Variants in ITGB8 observed in about 807,000 individuals in gnomAD.
The protein encoded by ITGB8 is integrin subunit beta 8, also known as integrin beta-8.
Under a neutral mutation model 89.5 loss-of-function variants are expected in ITGB8, and 30 were observed. The ratio of observed to expected loss-of-function variants is 0.34; its 90% CI spans 0.25 to 0.45. The LOEUF (loss-of-function observed/expected upper bound fraction) is 0.45, where lower values mean the gene tolerates loss of function less well. ITGB8 is among the 20% of genes least tolerant of loss of function. ITGB8 has a pLI of 1.00. For synonymous variants in ITGB8, 335 were observed against 320.4 expected, an observed-to-expected ratio of 1.05 and a Z score of -0.49; for missense variants, 836 against 933.3, an observed-to-expected ratio of 0.90 and a Z score of 1.36.
chr7:20,365,624 C>T (rs564979044), intron 2 of ITGB8: 1 of 152,188 alleles, frequency 6.6e-6, no homozygotes, highest in Non-Finnish European at 1.5e-5. Context: ...TGACAAGGTT[C>T]TGGAACAACT....
intron 10 of ITGB8, 94 bp downstream of exon 10, chr7:20,402,220 A>AGGTGTGATTTAT: frequency 9.1e-7 from 1 of 1,104,306 alleles, no homozygotes; most frequent in South Asian, 2.0e-5. Flanking sequence ...ATAAATTAGC[A>AGGTGTGATTTAT]AAACTGAATC....
chr7:20,355,783 G>C (rs1026160955), intron 1 of ITGB8, among the ~76,000 whole-genome samples: 1 of 152,198 alleles, frequency 6.6e-6, no homozygotes, highest in Non-Finnish European at 1.5e-5. Context: ...CACTGCAAGA[G>C]AGTAGTATTT....
chr7:20,331,751 G>A lies in ITGB8; in HGVS notation c.-56G>A. The A allele has an allele frequency of 2.6e-6, 4 of 1,563,032 alleles. No homozygotes were observed. Among genetic ancestry groups the A allele is most frequent in the Non-Finnish European group, 3.5e-6 (4 of 1,154,732 alleles). On this transcript the variant is annotated 5_prime_UTR_variant, in exon 1 of 14. Coordinates refer to ENST00000222573, the MANE Select transcript of ITGB8 (RefSeq NM_002214.3). ...GCCCCGAGGTGCGCCCGGGAGGCGCGAGCCCGCGTCCGGAAGGCAGTCAGG... is the reference window on the plus strand; with the variant it reads ...GCCCCGAGGTGCGCCCGGGAGGCGCAAGCCCGCGTCCGGAAGGCAGTCAGG...
At chr7:20,403,102 T>G (rs1787379987) in intron 10 of ITGB8, among the ~76,000 whole-genome samples, 1 of 152,204 alleles carries the variant, frequency 6.6e-6, no homozygotes, top group South Asian at 2.1e-4. Context: ...AGCTGAAAAT[T>G]TGGCCTGTAT....
intron 3 of ITGB8, among the ~76,000 whole-genome samples, chr7:20,368,310 T>C (rs1785786237): frequency 1.3e-5 from 2 of 152,184 alleles, no homozygotes; most frequent in Non-Finnish European, 2.9e-5. Flanking sequence ...AATTATTTAG[T>C]GTCGTAAATA....
chr7:20,371,399 C>T (rs1051135752), intron 3 of ITGB8, among the ~76,000 whole-genome samples: 1 of 152,020 alleles, frequency 6.6e-6, no homozygotes, highest in African/African-American at 2.4e-5. Context: ...TTTACTCTGG[C>T]AGGTTGTTTT....
At chr7:20,353,880 C>T (rs1234875764) in intron 1 of ITGB8, among the ~76,000 whole-genome samples, 2 of 121,022 alleles carry the variant, frequency 1.7e-5, no homozygotes, top group African/African-American at 3.3e-5. Flanking sequence ...TGCAGTGAGC[C>T]GAGATCGCGC....
In ITGB8 at chr7:20,406,079, T is replaced by G; in HGVS notation, c.1931T>G (p.Leu644Arg). The G allele has an allele frequency of 1.2e-6, 2 of 1,607,726 alleles. No homozygotes were observed. The highest frequency in any genetic ancestry group is 2.2e-5 in the South Asian group (2 of 90,934). The part of the protein sequence containing the change: ...CKENWNCMQC[L>R]HPHNLSQAIL... The stretch of plus-strand genomic sequence containing the variant: ...CCTTGCAGGAATTGTATGCAATGCC[T>G]TCACCCTCACAATTTGTCTCAGGCT... Residue 644 changes from leucine (L) to arginine (R), a missense_variant, in exon 12 of 14, where the codon CTT becomes CGT. Leu to Arg is a moderately radical substitution (Grantham distance 102, BLOSUM62 -2). This residue lies in a region of ITGB8 where 422 missense variants were observed against 416.9 expected (regional missense o/e 1.01). Transcript: ENST00000222573.
chr7:20,364,118 G>A (rs946030748), intron 2 of ITGB8, among the ~76,000 whole-genome samples: 1 of 152,132 alleles, frequency 6.6e-6, no homozygotes, highest in Non-Finnish European at 1.5e-5. Context: ...CAAGAGAAAC[G>A]AATCCTAATA....
intron 10 of ITGB8, among the ~76,000 whole-genome samples, chr7:20,403,042 C>T (rs1787377900): frequency 1.3e-5 from 2 of 152,302 alleles, no homozygotes; most frequent in African/African-American, 2.4e-5. Flanking sequence ...TCATCATAAG[C>T]ATATGGGACG....
chr7:20,381,598 T>C (rs1786397315), intron 5 of ITGB8, 129 bp from the exon 6 acceptor site: 5 of 651,892 alleles, frequency 7.7e-6, no homozygotes, highest in East Asian at 2.7e-5. Context: ...CGCAGCAGCG[T>C]TGTACCCACG....
rs140322233 is a variant in ITGB8 at position 20,404,589 on chromosome 7, G to A, written c.1688-39G>A. ...GTTGAAAACTCTTTACAAAGTCAGTGATCCAGATAACATAGGTCCTGCGGT... is the reference window on the plus strand; with the variant it reads ...GTTGAAAACTCTTTACAAAGTCAGTAATCCAGATAACATAGGTCCTGCGGT... On this transcript the variant is annotated intron_variant, in intron 10 of 13. Transcript: ENST00000222573. The A allele has an allele frequency of 9.7e-4, 1,503 of 1,555,172 alleles. 15 individuals are homozygous for A. The African/African-American group carries it at 0.018, about 19-fold the overall frequency.
chr7:20,354,956 T>G (rs1785240190), intron 1 of ITGB8, among the ~76,000 whole-genome samples: 1 of 152,222 alleles, frequency 6.6e-6, no homozygotes, highest in Admixed American at 6.5e-5. Flanking sequence ...TCTAATCATT[T>G]ATCACCCTCT....
At chr7:20,407,246 T>TCAGTGGTTATAGGGTA (rs150831757) in intron 12 of ITGB8, among the ~76,000 whole-genome samples, 1 of 151,780 alleles carries the variant, frequency 6.6e-6, no homozygotes, top group African/African-American at 2.4e-5. Flanking sequence ...GCAAGCATAC[T>TCAGTGGTTATAGGGTA]CATCTCTGGG....
chr7:20,380,945 A>T (rs1786353781), intron 5 of ITGB8, 114 bp downstream of exon 5: 2 of 874,202 alleles, frequency 2.3e-6, no homozygotes, highest in African/African-American at 3.4e-5. Context: ...AAGAAAACAT[A>T]TCTTACTATC....
chr7:20,372,213 T>A (rs1269164347), intron 3 of ITGB8, among the ~76,000 whole-genome samples: 1 of 152,246 alleles, frequency 6.6e-6, no homozygotes, highest in Non-Finnish European at 1.5e-5. Context: ...TCTACTGGTA[T>A]GTTACAAATA....
chr7:20,344,107 G>A (rs1248442757), intron 1 of ITGB8, among the ~76,000 whole-genome samples: 1 of 152,054 alleles, frequency 6.6e-6, no homozygotes, highest in Non-Finnish European at 1.5e-5. Flanking sequence ...TGGGGTGGCT[G>A]AGCCTGAGGA....
intron 1 of ITGB8, among the ~76,000 whole-genome samples, chr7:20,345,511 G>T (rs773681163): frequency 1.6e-4 from 24 of 151,982 alleles, no homozygotes; most frequent in Non-Finnish European, 2.9e-4. Flanking sequence ...ATTAGATGGG[G>T]TAAGCCTCAT....
Position 20,335,011 on chromosome 7 carries a change from T to A in ITGB8, c.127+3078T>A, listed in dbSNP as rs147322797. On this transcript the variant is annotated intron_variant, in intron 1 of 13. Transcript: ENST00000222573. ...GAGAATGGTATAAGGGACCACTATATACTCATCACCCAGCTTCATTAACCA... is the reference window on the plus strand; with the variant it reads ...GAGAATGGTATAAGGGACCACTATAAACTCATCACCCAGCTTCATTAACCA... Among the ~76,000 whole-genome samples, 19 of 152,324 alleles carry A rather than the reference T, an allele frequency of 1.2e-4. No homozygotes were observed. The East Asian group carries it at 2.7e-3, about 22-fold the overall frequency.
Sources: gnomAD v4.1 joint callset for allele counts (sites outside exome capture counted in the v4.1 genomes callset) on GRCh38, gnomAD v4.1.1 for gene constraint, gnomAD v4.1.1 regional missense constraint, MANE v1.5 for transcripts, NCBI Gene and HGNC (gene_info 2026-07-23, HGNC 2026-07-21) for gene names.